UBXN8: variants seen among roughly 807,000 people sequenced by gnomAD.
The protein encoded by UBXN8 is UBX domain-containing protein 8.
Under a neutral mutation model 32.1 loss-of-function variants are expected in UBXN8, and 27 were observed. That is an observed-to-expected ratio of 0.84 (90% confidence interval 0.62 to 1.16). The LOEUF (loss-of-function observed/expected upper bound fraction) is 1.16, where lower values mean the gene tolerates loss of function less well. Ranked by LOEUF, UBXN8 falls within the 50% of genes most tolerant of loss-of-function variation. UBXN8 has a pLI of 0.00. For synonymous variants in UBXN8, 109 were observed against 111.8 expected (o/e 0.98, Z 0.16); for missense variants, 306 against 311.4 (o/e 0.98, Z 0.13).
intron 5 of UBXN8, among the ~76,000 whole-genome samples, chr8:30,759,915 C>T (rs1191338280): frequency 6.6e-6 from 1 of 150,982 alleles, no homozygotes; most frequent in East Asian, 2.0e-4. Context: ...CAAGATCGCG[C>T]CACTGCACTC....
intron 3 of UBXN8, chr8:30,754,457 T>C: frequency 1.6e-6 from 1 of 638,486 alleles, no homozygotes; most frequent in Admixed American, 2.1e-5. Flanking sequence ...ACTGTCATAA[T>C]CAGGCAGGTC....
intron 1 of UBXN8, among the ~76,000 whole-genome samples, chr8:30,738,599 T>A (rs1433261598): frequency 7.0e-6 from 1 of 143,508 alleles, no homozygotes; most frequent in Non-Finnish European, 1.5e-5. Flanking sequence ...AGGCGGAGCT[T>A]GCAGTGAGCC....
chr8:30,758,900 T>TTTTTTTTTTTTTTTTTTG (rs1554578741), intron 5 of UBXN8, among the ~76,000 whole-genome samples: 23 of 122,034 alleles, frequency 1.9e-4, no homozygotes, highest in Non-Finnish European at 3.3e-4. Context: ...TTTTGTTTTT[T>TTTTTTTTTTTTTTTTTTG]TTTTTTTTTT....
At position 30,755,760 on chromosome 8, in the gene UBXN8, GAAAAAAAAAAA is replaced by G. The variant is rs34287599; in HGVS notation, c.405+984_406-984del. ...GAGACAGAGCAAGACCCTTTCTCCA[GAAAAAAAAAAA>G]AAAAAAAAAAGAAGACTGACTGTGA... On this transcript the variant is annotated intron_variant, in intron 4 of 7. Transcript: ENST00000265616. Among the ~76,000 whole-genome samples, 12 of 88,940 alleles carry G rather than the reference GAAAAAAAAAAA, an allele frequency of 1.3e-4. No individual in the cohort carries two copies. The South Asian group carries it at 5.6e-3, about 41-fold the overall frequency. 58.3% of individuals were successfully genotyped at this position (88,940 alleles called of 152,430 possible).
At position 30,756,766 on chromosome 8, in the gene UBXN8, G is replaced by T. The variant is rs761211556; in HGVS notation, c.407G>T (p.Gly136Val). 6.2e-7 allele frequency: 1 copy of T among 1,613,988 alleles called. No homozygotes were observed. The highest frequency in any genetic ancestry group is 2.2e-5 in the East Asian group (1 of 44,884). ...AAATTGTCTGTTGTGTTTGACCAGG[G>T]TGATGAAGGTACAAGTCAGACATCT... Reference protein sequence around the residue: ...WKLSSGHKLGGDEGTSQTSFE... With the variant: ...WKLSSGHKLGVDEGTSQTSFE... Residue 136 changes from glycine to valine, a missense_variant and splice_region_variant, in exon 5 of 8, where the codon GGT (glycine) becomes GTT (valine). Transcript: ENST00000265616.
At chr8:30,738,170 A>C (rs1191232011) in intron 1 of UBXN8, among the ~76,000 whole-genome samples, 1 of 152,128 alleles carries the variant, frequency 6.6e-6, no homozygotes, top group Non-Finnish European at 1.5e-5. Context: ...AGAAAGCAAT[A>C]ATCATAAAAG....
chr8:30,742,404 G>A (rs1805226890), upstream of UBXN8, among the ~76,000 whole-genome samples: 2 of 152,264 alleles, frequency 1.3e-5, no homozygotes, highest in South Asian at 4.1e-4. Flanking sequence ...AGGCTGGAGT[G>A]CACTGGCATG....
chr8:30,751,372 A>G (rs950351781), intron 1 of UBXN8, 24 bp from the exon 2 acceptor site: 3 of 1,544,694 alleles, frequency 1.9e-6, no homozygotes, highest in African/African-American at 2.8e-5. Context: ...TTGAATTTTA[A>G]TTTTAGTTTT....
chr8:30,760,368 G>T (rs1394659360), intron 5 of UBXN8, among the ~76,000 whole-genome samples: 1 of 142,494 alleles, frequency 7.0e-6, no homozygotes, highest in East Asian at 2.1e-4. Flanking sequence ...GCTGATACAT[G>T]TTAACATTTA....
intron 1 of UBXN8, among the ~76,000 whole-genome samples, chr8:30,747,172 A>G (rs936588638): frequency 7.1e-6 from 1 of 140,360 alleles, no homozygotes; most frequent in Non-Finnish European, 1.5e-5. Flanking sequence ...AACAAAAACG[A>G]AAAAACCTTA....
chr8:30,751,761 T>A (rs1217156041), intron 2 of UBXN8, among the ~76,000 whole-genome samples: 1 of 152,174 alleles, frequency 6.6e-6, no homozygotes, highest in Non-Finnish European at 1.5e-5. Flanking sequence ...ATATGTGTTT[T>A]AAAGCTATAT....
rs567781673 is a variant in UBXN8, at chr8:30,751,163, A to G, written c.89-233A>G. On this transcript the variant is annotated intron_variant, in intron 1 of 7. Transcript: ENST00000265616. Reference sequence around the variant, plus strand: ...ATAAGACAGTTGTATAACTTCTACTATACTTTTCCAGTACAAATAATCTTC... The same window carrying G: ...ATAAGACAGTTGTATAACTTCTACTGTACTTTTCCAGTACAAATAATCTTC... Among the ~76,000 whole-genome samples, 41 of 152,334 alleles carry G rather than the reference A, an allele frequency of 2.7e-4. 1 individual carries two copies. Among genetic ancestry groups the G allele is most frequent in the African/African-American group, 9.4e-4 (39 of 41,566 alleles).
At chr8:30,746,382 T>C (rs1231697901) in intron 1 of UBXN8, among the ~76,000 whole-genome samples, 1 of 152,132 alleles carries the variant, frequency 6.6e-6, no homozygotes, top group African/African-American at 2.4e-5. Context: ...GTTTTATACA[T>C]CATACTTTAT....
intron 1 of UBXN8, among the ~76,000 whole-genome samples, chr8:30,738,654 CAAAAAAAAAAA>C (rs536271863): frequency 1.3e-5 from 1 of 75,356 alleles, no homozygotes; most frequent in Non-Finnish European, 2.9e-5. Flanking sequence ...GCCTCCGTCT[CAAAAAAAAAAA>C]AAAAAAAAAG....
rs1470110753 is a variant in UBXN8 at position 30,760,909 on chromosome 8, C to T, written c.550C>T (p.Pro184Ser). The T allele has an allele frequency of 6.5e-6, 10 of 1,537,016 alleles. No individual in the cohort carries two copies. The highest frequency in any genetic ancestry group is 7.0e-6 in the Non-Finnish European group (8 of 1,140,824). ...TTAGATTCCTGATTTACCTGAAGAA[C>T]CTTCTCAAACAGCAGAAGAAGTAAG... ...CKEIPDLPEE[P>S]SQTAEEVVTV... The change falls in exon 6 of 8, where the codon CCT becomes TCT. Residue 184 changes from proline (P) to serine (S), a missense_variant. By Grantham distance (74) the Pro-to-Ser change is moderately conservative (BLOSUM62 -1). Transcript: ENST00000265616.
chr8:30,744,562 G>A, intron 1 of UBXN8: 1 of 500,288 alleles, frequency 2.0e-6, no homozygotes, highest in Non-Finnish European at 3.5e-6. Context: ...AAATAAACAG[G>A]TTGATAAGAT....
intron 2 of UBXN8, 32 bp from the exon 3 acceptor site, chr8:30,753,003 G>A: frequency 6.7e-7 from 1 of 1,488,944 alleles, no homozygotes; most frequent in South Asian, 1.4e-5. Flanking sequence ...TACTTGGGAA[G>A]TAAAAAGCAC....
Position 30,747,903 on chromosome 8 carries a change from T to C in UBXN8, c.89-3493T>C, listed in dbSNP as rs569812072. ...TTAATATATATTTTTTCTTTTTTTT[T>C]TTTTTTTTTTTTTTTGCTACCTTTG... On this transcript the variant is annotated intron_variant, in intron 1 of 7. Coordinates refer to ENST00000265616, the MANE Select transcript of UBXN8 (RefSeq NM_005671.4). 4.1e-4 allele frequency among the ~76,000 whole-genome samples: 49 copies of C among 118,982 alleles called. 9 individuals carry two copies. The South Asian group carries it at 0.013, about 31-fold the overall frequency. 78.1% of individuals were successfully genotyped at this position (118,982 alleles called of 152,430 possible). A position where few individuals can be genotyped will look rare whatever the true frequency, so the allele number is the denominator to read the frequency against.
chr8:30,758,049 C>A (rs1387433402), intron 5 of UBXN8, among the ~76,000 whole-genome samples: 2 of 151,714 alleles, frequency 1.3e-5, no homozygotes, highest in African/African-American at 4.8e-5. Flanking sequence ...GCGCCCACCA[C>A]CCCACCCAGC....
Sources: allele counts gnomAD v4.1 joint callset (sites outside exome capture counted in the v4.1 genomes callset), GRCh38; gene constraint gnomAD v4.1.1; transcripts MANE v1.5; gene names NCBI Gene and HGNC (gene_info 2026-07-23, HGNC 2026-07-21).